The following RIMS2 variants were observed in gnomAD, a reference collection of about 807,000 sequenced individuals.
The protein encoded by RIMS2 is regulating synaptic membrane exocytosis protein 2.
RIMS2 carries 59 observed loss-of-function variants against 174.4 expected under a neutral mutation model. The ratio of observed to expected loss-of-function variants is 0.34; its 90% CI spans 0.27 to 0.42. The LOEUF (loss-of-function observed/expected upper bound fraction) is 0.42. Among genes scored for constraint, RIMS2 ranks in the 10% least tolerant of loss-of-function variants. The pLI is 1.00. For missense variants in RIMS2, 1,620 were observed against 1,666.3 expected (o/e 0.97, Z 0.48); for synonymous variants, 606 against 572.5 (o/e 1.06, Z -0.84).
chr8:103,626,280 A>G (rs889747377), intron 1 of RIMS2, among the ~76,000 whole-genome samples: 3 of 152,174 alleles, frequency 2.0e-5, no homozygotes, highest in African/African-American at 4.8e-5. Context: ...CATGGTTACA[A>G]AGCTGTCAAC....
intron 3 of RIMS2, among the ~76,000 whole-genome samples, chr8:103,877,040 C>T (rs945874627): frequency 8.0e-5 from 12 of 150,760 alleles, no homozygotes; most frequent in East Asian, 2.0e-4. Context: ...GTACCTTTTT[C>T]GTATAAGAAC....
At chr8:103,719,368 T>C (rs945243951) in intron 2 of RIMS2, among the ~76,000 whole-genome samples, 2 of 152,226 alleles carry the variant, frequency 1.3e-5, no homozygotes, top group Non-Finnish European at 2.9e-5. Context: ...GAAACACTAG[T>C]AAGATATGCA....
At chr8:104,083,602 T>C (rs1391648051) in intron 19 of RIMS2, among the ~76,000 whole-genome samples, 2 of 152,210 alleles carry the variant, frequency 1.3e-5, no homozygotes, top group Non-Finnish European at 2.9e-5. Context: ...TTCTAGTAGA[T>C]CTTATGGGTT....
intron 3 of RIMS2, among the ~76,000 whole-genome samples, chr8:103,822,703 C>G (rs2098759849): frequency 6.6e-6 from 1 of 151,812 alleles, no homozygotes; most frequent in South Asian, 2.1e-4. Context: ...AAAAAGAAAA[C>G]ATGTGTCTGC....
intron 1 of RIMS2, among the ~76,000 whole-genome samples, chr8:103,573,150 G>A (rs1457393568): frequency 6.6e-6 from 1 of 151,906 alleles, no homozygotes; most frequent in Non-Finnish European, 1.5e-5. Context: ...CTGCCTCTCA[G>A]TTTCAAGTGG....
chr8:104,061,221 T>C lies in RIMS2; in HGVS notation c.3334+46606T>C, dbSNP rs553144406. On this transcript the variant is annotated intron_variant, in intron 19 of 23. Transcript: ENST00000504942. ...GTGGGAGTCTAAGTCTCTTTGTAGG[T>C]CACTCAGGACTTGCTTTATGAATCT... is the stretch of plus-strand genomic sequence containing the variant. Among the ~76,000 whole-genome samples, 7 of 152,276 alleles carry C rather than the reference T, an allele frequency of 4.6e-5. No homozygotes were observed. The South Asian group carries it at 1.5e-3, about 32-fold the overall frequency.
At chr8:104,026,713 T>G (rs2096266112) in intron 19 of RIMS2, among the ~76,000 whole-genome samples, 1 of 152,178 alleles carries the variant, frequency 6.6e-6, no homozygotes, top group South Asian at 2.1e-4. Flanking sequence ...GATAGTTATT[T>G]TGACAGTCTT....
At chr8:103,591,039 A>G (rs1313298711) in intron 1 of RIMS2, among the ~76,000 whole-genome samples, 1 of 150,442 alleles carries the variant, frequency 6.6e-6, no homozygotes, top group Non-Finnish European at 1.5e-5. Context: ...AGTATTTTAT[A>G]CTCCCACCAA....
At chr8:103,713,207 C>T (rs1252940345) in intron 2 of RIMS2, among the ~76,000 whole-genome samples, 5 of 152,106 alleles carry the variant, frequency 3.3e-5, no homozygotes, top group Non-Finnish European at 7.4e-5. Flanking sequence ...TTAGTACAGA[C>T]AAGGTTTTGC....
intron 3 of RIMS2, among the ~76,000 whole-genome samples, chr8:103,795,763 C>G (rs928989429): frequency 3.3e-5 from 5 of 152,150 alleles, no homozygotes; most frequent in African/African-American, 9.6e-5. Flanking sequence ...AACAAGCCTT[C>G]ACATGTATCG....
intron 4 of RIMS2, among the ~76,000 whole-genome samples, chr8:103,897,354 T>C (rs980793196): frequency 2.6e-5 from 4 of 151,706 alleles, no homozygotes; most frequent in African/African-American, 9.7e-5. Context: ...TGCTGAGCTA[T>C]CCCATCAGTG....
At chr8:103,804,549 A>G (rs1431844394) in intron 3 of RIMS2, among the ~76,000 whole-genome samples, 1 of 152,110 alleles carries the variant, frequency 6.6e-6, no homozygotes, top group Non-Finnish European at 1.5e-5. Flanking sequence ...GAGTTTGTCT[A>G]TGTGGTTTAT....
intron 2 of RIMS2, among the ~76,000 whole-genome samples, chr8:103,760,187 T>C (rs1235692951): frequency 6.6e-6 from 1 of 152,228 alleles, no homozygotes; most frequent in Non-Finnish European, 1.5e-5. Flanking sequence ...AGGTTAAAGC[T>C]CTCAGGAGGA....
chr8:104,081,638 TA>T (rs1208413854), intron 19 of RIMS2, among the ~76,000 whole-genome samples: 4 of 150,380 alleles, frequency 2.7e-5, no homozygotes, highest in Admixed American at 2.7e-4. Flanking sequence ...TAATTAAAAG[TA>T]AAAACAAATT....
intron 16 of RIMS2, among the ~76,000 whole-genome samples, chr8:103,986,835 T>C (rs2094395811): frequency 6.6e-6 from 1 of 150,856 alleles, no homozygotes; most frequent in South Asian, 2.1e-4. Context: ...ATCCTGCCAT[T>C]GCACTCCAAC....
chr8:104,224,601 G>T (rs2099173791), intron 19 of RIMS2, among the ~76,000 whole-genome samples: 1 of 152,204 alleles, frequency 6.6e-6, no homozygotes, highest in Non-Finnish European at 1.5e-5. Flanking sequence ...TTCATTTTTA[G>T]ATGTATATCC....
At chr8:103,734,014 CTTTTTTTTTTTTTT>C (rs59348302) in intron 2 of RIMS2, among the ~76,000 whole-genome samples, 2 of 85,740 alleles carry the variant, frequency 2.3e-5, no homozygotes, top group African/African-American at 5.4e-5. Context: ...CTAAAAGCTT[CTTTTTTTTTTTTTT>C]TTTTTTTTTT....
chr8:103,751,557 C>G (rs2097891721), intron 2 of RIMS2, among the ~76,000 whole-genome samples: 1 of 151,528 alleles, frequency 6.6e-6, no homozygotes, highest in Non-Finnish European at 1.5e-5. Context: ...GTTTACAGTC[C>G]CACCAACAGT....
Position 104,148,519 on chromosome 8 carries a change from T to TAATTTGA in RIMS2, c.3335-96397_3335-96396insAATTTGA. On this transcript the variant is annotated intron_variant, in intron 19 of 23. Coordinates refer to ENST00000504942, the Ensembl canonical transcript of RIMS2. ...ATATTCCATAGATGATATAATTTAA[T>TAATTTGA]TATACTCCAAATGTTTTATCTAAAA... 3 of 1,182,130 alleles carry TAATTTGA rather than the reference T, an allele frequency of 2.5e-6. No individual in the cohort carries two copies. The East Asian group carries it at 7.7e-5, about 30-fold the overall frequency. 73.2% of individuals were successfully genotyped at this position (1,182,130 alleles called of 1,614,324 possible).
Sources: gnomAD v4.1 joint callset for allele counts (sites outside exome capture counted in the v4.1 genomes callset) on GRCh38, gnomAD v4.1.1 for gene constraint, MANE v1.5 for transcripts, NCBI Gene and HGNC (gene_info 2026-07-23, HGNC 2026-07-21) for gene names.